Variants in TFAP2C observed in about 807,000 individuals in gnomAD.
The protein encoded by TFAP2C is transcription factor AP-2 gamma, also known as activating enhancer-binding protein 2 gamma.
A neutral mutation model predicts 42.9 loss-of-function variants in TFAP2C; 9 were observed. That is an observed-to-expected ratio of 0.21 (90% CI 0.13 to 0.37). The LOEUF is 0.37. Among genes scored for constraint, TFAP2C ranks in the 10% least tolerant of loss-of-function variants. The pLI, the probability that TFAP2C is intolerant of heterozygous loss-of-function variation, is 1.00. For synonymous variants in TFAP2C, 264 were observed against 256.0 expected, an observed-to-expected ratio of 1.03 and a Z score of -0.30; for missense variants, 462 against 591.7, an observed-to-expected ratio of 0.78 and a Z score of 2.27.
Position 56,629,335 on chromosome 20 carries a change from C to T in TFAP2C, c.-210C>T, listed in dbSNP as rs1175565924. The T allele has an allele frequency of 2.0e-5, 8 of 405,206 alleles. No individual in the cohort carries two copies. The highest frequency in any genetic ancestry group is 1.0e-4 in the African/African-American group (5 of 48,632). The allele number at this position is 405,206 out of a possible 1,614,324, so 25.1% of individuals were successfully genotyped here. On this transcript the variant is annotated 5_prime_UTR_variant, in exon 1 of 7. Coordinates refer to ENST00000201031, the MANE Select transcript of TFAP2C (RefSeq NM_003222.4). The surrounding 1 kb of genome is among the most constrained non-coding windows in gnomAD (Gnocchi z 5.9). ...CACACTGTTCGGGCGCGGCTTTCCC[C>T]GTCCGCGGAGCGGTCTTGACACTCG...
intron 5 of TFAP2C, among the ~76,000 whole-genome samples, chr20:56,634,724 T>G (rs1484059521): frequency 6.6e-6 from 1 of 152,184 alleles, no homozygotes; most frequent in Admixed American, 6.5e-5. Context: ...AGAGAACCTC[T>G]TGTATACAAT....
At chr20:56,634,792 C>T (rs764938667) in intron 5 of TFAP2C, among the ~76,000 whole-genome samples, 12 of 152,146 alleles carry the variant, frequency 7.9e-5, no homozygotes, top group South Asian at 4.1e-4. Context: ...AAAAACTAAT[C>T]GAACCCCTGG....
intron 5 of TFAP2C, among the ~76,000 whole-genome samples, chr20:56,635,114 G>A (rs1009411545): frequency 2.0e-5 from 3 of 152,182 alleles, no homozygotes; most frequent in Admixed American, 6.5e-5. Context: ...ATGGCGTGAC[G>A]TGGTGCTCAA....
At position 56,631,845 on chromosome 20, in the gene TFAP2C, T is replaced by C; in HGVS notation, c.575T>C (p.Val192Ala). ...CACCTGTTGCTGCACGATCAGACAGTCATTCGCAAAGGTAAATAGCAAGGT... is the reference window on the plus strand; with the variant it reads ...CACCTGTTGCTGCACGATCAGACAGCCATTCGCAAAGGTAAATAGCAAGGT... Reference protein sequence around the residue: ...DQHLLLHDQTVIRKGPISMTK... With the variant: ...DQHLLLHDQTAIRKGPISMTK... Residue 192 changes from valine (V) to alanine (A), a missense_variant, in exon 3 of 7, where the codon GTC becomes GCC. This residue lies in a region of TFAP2C where 271 missense variants were observed against 269.7 expected (regional missense o/e 1.00). Transcript: ENST00000201031. This position sits in a 1 kb window ranked among gnomAD's most constrained non-coding sequence, Gnocchi z 6.1. The C allele has an allele frequency of 6.2e-7, 1 of 1,614,202 alleles. No homozygotes were observed. The highest frequency in any genetic ancestry group is 8.5e-7 in the Non-Finnish European group (1 of 1,180,034).
Position 56,630,780 on chromosome 20 carries a change from G to A in TFAP2C, c.49-425G>A, listed in dbSNP as rs1157886838. 2 of 985,396 alleles carry A rather than the reference G, an allele frequency of 2.0e-6. No individual in the cohort carries two copies. The highest frequency in any genetic ancestry group is 2.4e-6 in the Non-Finnish European group (2 of 829,920). 61.0% of individuals were successfully genotyped at this position (985,396 alleles called of 1,614,324 possible). On this transcript the variant is annotated intron_variant, in intron 1 of 6. Transcript: ENST00000201031. This position sits in a 1 kb window ranked among gnomAD's most constrained non-coding sequence, Gnocchi z 5.1. Reference sequence around the variant, plus strand: ...GCCTGCCGCGCTGCCACCTCCAGCAGTCCCTGCGTCATGGGCGGGCTCCAC... The same window carrying A: ...GCCTGCCGCGCTGCCACCTCCAGCAATCCCTGCGTCATGGGCGGGCTCCAC...
rs1221862690 is a variant in TFAP2C, at chr20:56,631,277, A to C, written c.121A>C (p.Ser41Arg). 4 of 1,596,820 alleles carry C rather than the reference A, an allele frequency of 2.5e-6. No homozygotes were observed. Among genetic ancestry groups the C allele is most frequent in the Non-Finnish European group, 3.4e-6 (4 of 1,173,194 alleles). Reference protein sequence around the residue: ...HLSSAGQHLYSPAPPLSHTGV... With the variant: ...HLSSAGQHLYRPAPPLSHTGV... ...CTCCTCCGCCGGGCAGCACCTCTACAGCCCCGCGCCACCCCTCTCCCACAC... is the reference window on the plus strand; with the variant it reads ...CTCCTCCGCCGGGCAGCACCTCTACCGCCCCGCGCCACCCCTCTCCCACAC... Residue 41 changes from serine (S) to arginine (R), a missense_variant, in exon 2 of 7, where the codon AGC (serine) becomes CGC (arginine). Ser to Arg is a moderately radical substitution (Grantham distance 110, BLOSUM62 -1). This residue lies in a region of TFAP2C where 271 missense variants were observed against 269.7 expected (regional missense o/e 1.00). Coordinates refer to ENST00000201031, the MANE Select transcript of TFAP2C (RefSeq NM_003222.4). This position sits in a 1 kb window ranked among gnomAD's most constrained non-coding sequence, Gnocchi z 6.1.
At chr20:56,636,855 T>C in intron 6 of TFAP2C, 101 bp downstream of exon 6, 2 of 1,397,284 alleles carry the variant, frequency 1.4e-6, no homozygotes, top group Non-Finnish European at 1.9e-6. Context: ...AAAGAAATAT[T>C]CTTGAAATAA....
chr20:56,633,096 G>A (rs1407289037), intron 3 of TFAP2C, among the ~76,000 whole-genome samples: 1 of 152,030 alleles, frequency 6.6e-6, no homozygotes, highest in Non-Finnish European at 1.5e-5. Context: ...GTAGTGGTGG[G>A]CACCTGCTGG....
In TFAP2C at chr20:56,629,391, C is replaced by T. The variant is rs1987439481; in HGVS notation, c.-154C>T. On this transcript the variant is annotated 5_prime_UTR_variant, in exon 1 of 7. Coordinates refer to ENST00000201031, the MANE Select transcript of TFAP2C (RefSeq NM_003222.4). The surrounding 1 kb of genome is among the most constrained non-coding windows in gnomAD (Gnocchi z 5.9). ...GCAGCATCTACGCTCGCAGAGCCGC[C>T]GATGCGTGTCCAGTGACCCGGACAG... 7.1e-6 allele frequency: 4 copies of T among 560,194 alleles called. No homozygotes were observed. The highest frequency in any genetic ancestry group is 1.9e-5 in the African/African-American group (1 of 51,816). The allele number at this position is 560,194 out of a possible 1,614,324, so 34.7% of individuals were successfully genotyped here.
Position 56,630,829 on chromosome 20 carries a change from CGGCTCCTTCGCCCCGGGCTCT to C in TFAP2C, c.49-355_49-335del, listed in dbSNP as rs1038842670. On this transcript the variant is annotated intron_variant, in intron 1 of 6. Coordinates refer to ENST00000201031, the MANE Select transcript of TFAP2C (RefSeq NM_003222.4). This position sits in a 1 kb window ranked among gnomAD's most constrained non-coding sequence, Gnocchi z 5.1. ...ACGAGATAGCTCTGCACCGGGCGTC[CGGCTCCTTCGCCCCGGGCTCT>C]GGCTCCTTCGCCCCGGGCTCCGGCC... 5.9e-4 allele frequency: 578 copies of C among 985,230 alleles called. 3 individuals are homozygous for C. Among genetic ancestry groups the C allele is most frequent in the African/African-American group, 5.7e-3 (329 of 57,338 alleles). The allele number at this position is 985,230 out of a possible 1,614,324, so 61.0% of individuals were successfully genotyped here.
chr20:56,631,381 C>G lies in TFAP2C; in HGVS notation c.225C>G (p.Pro75=), dbSNP rs779398227. 1 of 1,611,254 alleles carries G rather than the reference C, an allele frequency of 6.2e-7. No individual in the cohort carries two copies. Among genetic ancestry groups the G allele is most frequent in the Non-Finnish European group, 8.5e-7 (1 of 1,179,154 alleles). ...QQLAYSQSAD[P]YSHLGEAYAA... ...TGGCCTACTCCCAGTCGGCCGACCC[C>G]TACTCGCATCTGGGGGAAGCGTACG... The change falls in exon 2 of 7, where the codon CCC becomes CCG. Residue 75 remains proline, a synonymous_variant. Transcript: ENST00000201031. The surrounding 1 kb of genome is among the most constrained non-coding windows in gnomAD (Gnocchi z 6.1).
intron 3 of TFAP2C, among the ~76,000 whole-genome samples, chr20:56,632,404 G>A (rs7268592): frequency 0.021 from 3,191 of 152,232 alleles, 126 homozygotes; most frequent in African/African-American, 0.072. Flanking sequence ...GGATGGGGAG[G>A]AGGGGATTTG....
At chr20:56,632,815 A>AG (rs74181066) in intron 3 of TFAP2C, among the ~76,000 whole-genome samples, 1,788 of 151,032 alleles carry the variant, frequency 0.012, 14 homozygotes, top group South Asian at 0.018. Context: ...AGCAGCTGCT[A>AG]GGAAAAAAAA....
Position 56,630,773 on chromosome 20 carries a change from TC to T in TFAP2C, c.49-430del. On this transcript the variant is annotated intron_variant, in intron 1 of 6. Coordinates refer to ENST00000201031, the MANE Select transcript of TFAP2C (RefSeq NM_003222.4). The surrounding 1 kb of genome is among the most constrained non-coding windows in gnomAD (Gnocchi z 5.1). ...TATCCGCGCCTGCCGCGCTGCCACC[TC>T]CAGCAGTCCCTGCGTCATGGGCGGG... The T allele has an allele frequency of 1.0e-6, 1 of 985,334 alleles. No homozygotes were observed. Among genetic ancestry groups the T allele is most frequent in the African/African-American group, 1.7e-5 (1 of 57,346 alleles). 61.0% of individuals were successfully genotyped at this position (985,334 alleles called of 1,614,324 possible).
In TFAP2C at chr20:56,632,873, G is replaced by T. The variant is rs532923588; in HGVS notation, c.587-480G>T. On this transcript the variant is annotated intron_variant, in intron 3 of 6. Transcript: ENST00000201031. ...GGATCTTCACTAATTAACTTCCCAA[G>T]GTGTTAACTTGTGAATTTCAGATTA... 7.9e-5 allele frequency among the ~76,000 whole-genome samples: 12 copies of T among 152,030 alleles called. 1 individual carries two copies. The South Asian group carries it at 2.5e-3, about 32-fold the overall frequency.
Position 56,631,632 on chromosome 20 carries a change from C to T in TFAP2C, c.476C>T (p.Ala159Val). The change falls in exon 2 of 7, where the codon GCG (alanine) becomes GTG (valine). Residue 159 changes from alanine to valine, a missense_variant. Transcript: ENST00000201031. The surrounding 1 kb of genome is among the most constrained non-coding windows in gnomAD (Gnocchi z 6.1). ...CCCCACGCACACGCCCTGGATGCCG[C>T]GGGCCTGGCCGAGAACCTGGGGCTC... ...LLPHAHALDA[A>V]GLAENLGLHD... 1 of 1,575,320 alleles carries T rather than the reference C, an allele frequency of 6.3e-7. No individual in the cohort carries two copies. The highest frequency in any genetic ancestry group is 8.6e-7 in the Non-Finnish European group (1 of 1,167,118).
In TFAP2C at chr20:56,629,439, C is replaced by A. The variant is rs996463375; in HGVS notation, c.-106C>A. The A allele has an allele frequency of 4.8e-6, 5 of 1,049,438 alleles. No homozygotes were observed. The highest frequency in any genetic ancestry group is 5.8e-5 in the South Asian group (2 of 34,640). The allele number at this position is 1,049,438 out of a possible 1,614,324, so 65.0% of individuals were successfully genotyped here. ...CAGCAAGGCCCGCGCGCGGCGGGGG[C>A]GGCGGCAGACGCCTGGTCACCGTGA... On this transcript the variant is annotated 5_prime_UTR_variant, in exon 1 of 7. Transcript: ENST00000201031. The surrounding 1 kb of genome is among the most constrained non-coding windows in gnomAD (Gnocchi z 5.9).
In TFAP2C at chr20:56,631,158, C is replaced by T. The variant is rs1987481089; in HGVS notation, c.49-47C>T. On this transcript the variant is annotated intron_variant, in intron 1 of 6. Coordinates refer to ENST00000201031, the MANE Select transcript of TFAP2C (RefSeq NM_003222.4). This position sits in a 1 kb window ranked among gnomAD's most constrained non-coding sequence, Gnocchi z 6.1. ...GGCGATGCCGGCCAGTTCGCAGTAG[C>T]GGGGTTTCGCACTAACGGGGTCTCC... 1.4e-6 allele frequency: 2 copies of T among 1,476,858 alleles called. No individual in the cohort carries two copies. The highest frequency in any genetic ancestry group is 2.4e-5 in the Admixed American group (1 of 41,234). The allele number at this position is 1,476,858 out of a possible 1,614,324, so 91.5% of individuals were successfully genotyped here.
At position 56,630,747 on chromosome 20, in the gene TFAP2C, C is replaced by G. The variant is rs1352349911; in HGVS notation, c.49-458C>G. 1.0e-6 allele frequency: 1 copy of G among 985,290 alleles called. No homozygotes were observed. Among genetic ancestry groups the G allele is most frequent in the Non-Finnish European group, 1.2e-6 (1 of 829,870 alleles). 61.0% of individuals were successfully genotyped at this position (985,290 alleles called of 1,614,324 possible). ...GTGCGCATTTCCCGCGCCGCGCACT[C>G]TATCCGCGCCTGCCGCGCTGCCACC... On this transcript the variant is annotated intron_variant, in intron 1 of 6. Transcript: ENST00000201031. This position sits in a 1 kb window ranked among gnomAD's most constrained non-coding sequence, Gnocchi z 5.1.
Sources: allele counts gnomAD v4.1 joint callset (sites outside exome capture counted in the v4.1 genomes callset), GRCh38; gene constraint gnomAD v4.1.1; regional missense constraint gnomAD v4.1.1; non-coding constraint Gnocchi (gnomAD v3.1); transcripts MANE v1.5; gene names NCBI Gene and HGNC (gene_info 2026-07-23, HGNC 2026-07-21).